FAT3: variants seen among roughly 807,000 people sequenced by gnomAD.
The protein encoded by FAT3 is FAT atypical cadherin 3.
A neutral mutation model predicts 310.2 loss-of-function variants in FAT3; 95 were observed. That is an observed-to-expected ratio of 0.31 (90% confidence interval 0.26 to 0.36). The LOEUF (loss-of-function observed/expected upper bound fraction) is 0.36, where lower values mean the gene tolerates loss of function less well. FAT3 is among the 10% of genes least tolerant of loss of function. FAT3 has a pLI of 1.00. For missense variants in FAT3, 5,408 were observed against 5,715.6 expected (o/e 0.95, Z 1.74); for synonymous variants, 2,314 against 2,192.9 (o/e 1.06, Z -1.54).
At chr11:92,652,239 G>A (rs1398925085) in intron 3 of FAT3, among the ~76,000 whole-genome samples, 1 of 152,024 alleles carries the variant, frequency 6.6e-6, no homozygotes, top group Admixed American at 6.6e-5. Context: ...TTTATCCGCT[G>A]GGCACAAGGC....
intron 3 of FAT3, among the ~76,000 whole-genome samples, chr11:92,595,786 C>T (rs1369867266): frequency 1.3e-5 from 2 of 152,154 alleles, no homozygotes; most frequent in Non-Finnish European, 2.9e-5. Flanking sequence ...ACCTTCACAA[C>T]TGACACCTGA....
At chr11:92,441,801 C>G (rs1951069631) in intron 2 of FAT3, among the ~76,000 whole-genome samples, 1 of 151,998 alleles carries the variant, frequency 6.6e-6, no homozygotes, top group South Asian at 2.1e-4. Context: ...TGAATTAATT[C>G]TAGATTCAGG....
In FAT3 at chr11:92,251,151, A is replaced by G. The variant is rs994274359; in HGVS notation, c.-18+25977A>G. Among the ~76,000 whole-genome samples the G allele has an allele frequency of 2.0e-5, 3 of 152,234 alleles. No homozygotes were observed. In the South Asian group the frequency reaches 6.2e-4, roughly 32 times the overall value. On this transcript the variant is annotated intron_variant, in intron 1 of 27. Coordinates refer to ENST00000525166, the MANE Select transcript of FAT3 (RefSeq NM_001367949.2). ...TAATAAGCATTACTATTAATTAAAA[A>G]CTGACTATTCACCAGACACTGTGCT...
intron 1 of FAT3, among the ~76,000 whole-genome samples, chr11:92,291,481 G>A (rs998142211): frequency 2.6e-5 from 4 of 152,134 alleles, no homozygotes; most frequent in African/African-American, 9.7e-5. Flanking sequence ...GCTTCAGGAT[G>A]TAGAGGGGAG....
intron 22 of FAT3, among the ~76,000 whole-genome samples, chr11:92,878,625 G>A (rs1478110866): frequency 2.2e-5 from 2 of 89,198 alleles, no homozygotes; most frequent in African/African-American, 8.8e-5. Flanking sequence ...GGAGCAGGAT[G>A]TTATGTGTTA....
intron 2 of FAT3, among the ~76,000 whole-genome samples, chr11:92,395,666 C>T (rs1362375554): frequency 6.6e-6 from 1 of 151,874 alleles, no homozygotes; most frequent in Admixed American, 6.6e-5. Context: ...GCAATCTCCA[C>T]CTCCCAGTTT....
chr11:92,839,092 C>A (rs1003990132), intron 17 of FAT3, among the ~76,000 whole-genome samples: 4 of 152,192 alleles, frequency 2.6e-5, no homozygotes, highest in Non-Finnish European at 5.9e-5. Flanking sequence ...TGTTTGCTAA[C>A]CCCAAAACAA....
chr11:92,653,482 T>C (rs1942463312), intron 3 of FAT3, among the ~76,000 whole-genome samples: 2 of 152,152 alleles, frequency 1.3e-5, no homozygotes, highest in African/African-American at 4.8e-5. Context: ...GTTACCTTCC[T>C]ACCAAGATGC....
chr11:92,819,117 A>G (rs768653339), intron 13 of FAT3, among the ~76,000 whole-genome samples: 16 of 152,162 alleles, frequency 1.1e-4, no homozygotes, highest in Non-Finnish European at 1.9e-4. Flanking sequence ...TGAGGGGTTA[A>G]GTAACTTGCC....
intron 2 of FAT3, among the ~76,000 whole-genome samples, chr11:92,511,349 G>A (rs1953281978): frequency 6.6e-6 from 1 of 152,040 alleles, no homozygotes; most frequent in African/African-American, 2.4e-5. Context: ...GGTGATCACA[G>A]GATAACAAAA....
At chr11:92,660,186 T>TTTA (rs1942732583) in intron 3 of FAT3, among the ~76,000 whole-genome samples, 1 of 152,014 alleles carries the variant, frequency 6.6e-6, no homozygotes, top group South Asian at 2.1e-4. Flanking sequence ...TTGTTTATTA[T>TTTA]TTATTATTAT....
intron 4 of FAT3, among the ~76,000 whole-genome samples, chr11:92,744,452 C>T (rs1390521147): frequency 6.6e-6 from 1 of 152,172 alleles, no homozygotes; most frequent in African/African-American, 2.4e-5. Context: ...ATATATGTAG[C>T]AGACCATTTA....
intron 24 of FAT3, chr11:92,886,724 C>A: frequency 2.5e-6 from 1 of 401,348 alleles, no homozygotes; most frequent in Non-Finnish European, 4.5e-6. Context: ...CACTCAGTTG[C>A]TTCACTTCGA....
intron 3 of FAT3, among the ~76,000 whole-genome samples, chr11:92,599,695 AAT>A (rs1341152455): frequency 1.3e-5 from 2 of 152,196 alleles, no homozygotes; most frequent in East Asian, 3.9e-4. Context: ...TTCCTAAGAA[AAT>A]AGTTTCATCA....
intron 3 of FAT3, among the ~76,000 whole-genome samples, chr11:92,632,971 C>A (rs1261694389): frequency 6.6e-6 from 1 of 152,184 alleles, no homozygotes; most frequent in Non-Finnish European, 1.5e-5. Context: ...TTGTTCTCAT[C>A]ACAGTTCTCC....
chr11:92,577,057 A>G (rs1404592357), intron 3 of FAT3, among the ~76,000 whole-genome samples: 2 of 152,074 alleles, frequency 1.3e-5, no homozygotes, highest in Non-Finnish European at 1.5e-5. Flanking sequence ...CTTTTAGTAT[A>G]TATTGAAAAT....
chr11:92,354,993 C>T lies in FAT3; in HGVS notation c.2881C>T (p.His961Tyr), dbSNP rs1173172639. The change falls in exon 2 of 28, where the codon CAT becomes TAT. Residue 961 changes from histidine to tyrosine, a missense_variant. By Grantham distance (83) the His-to-Tyr change is moderately conservative. This residue lies in a region of FAT3 where 4,588 missense variants were observed against 4,809.8 expected (regional missense o/e 0.95). Transcript: ENST00000525166. ...VGTVIAWLET[H>Y]DPDLGLGGQV... ...CACTGTCATTGCTTGGCTTGAGACCCATGATCCAGATCTTGGACTGGGGGG... is the reference window on the plus strand; with the variant it reads ...CACTGTCATTGCTTGGCTTGAGACCTATGATCCAGATCTTGGACTGGGGGG... 1 of 1,613,820 alleles carries T rather than the reference C, an allele frequency of 6.2e-7. No homozygotes were observed. Among genetic ancestry groups the T allele is most frequent in the Non-Finnish European group, 8.5e-7 (1 of 1,179,864 alleles).
chr11:92,340,433 G>T (rs1948218982), intron 1 of FAT3, among the ~76,000 whole-genome samples: 1 of 152,158 alleles, frequency 6.6e-6, no homozygotes, highest in African/African-American at 2.4e-5. Context: ...GTAATCTGCT[G>T]TGTCTCCACG....
chr11:92,505,003 G>C (rs1455148424), intron 2 of FAT3, among the ~76,000 whole-genome samples: 1 of 152,076 alleles, frequency 6.6e-6, no homozygotes, highest in Non-Finnish European at 1.5e-5. Context: ...ATTATTGAGG[G>C]GTGGGGAGGT....
Sources: gnomAD v4.1 joint callset for allele counts (sites outside exome capture counted in the v4.1 genomes callset) on GRCh38, gnomAD v4.1.1 for gene constraint, gnomAD v4.1.1 regional missense constraint, MANE v1.5 for transcripts, NCBI Gene and HGNC (gene_info 2026-07-23, HGNC 2026-07-21) for gene names.